FPR1: variants seen among roughly 807,000 people sequenced by gnomAD.
FPR1 encodes N-formyl peptide receptor 1.
For missense variants in FPR1, 407 were observed against 453.0 expected, an observed-to-expected ratio of 0.90 and a Z score of 0.92; for synonymous variants, 193 against 176.7, an observed-to-expected ratio of 1.09 and a Z score of -0.73.
At chr19:51,750,105 A>G (rs1199317351) in intron 1 of FPR1, 1 of 152,072 alleles carries the variant, frequency 6.6e-6, no homozygotes, top group Non-Finnish European at 1.5e-5. Context: ...AAAGTCACCC[A>G]ACAGCCCAGG....
Position 51,746,109 on chromosome 19 carries a change from G to A in FPR1, c.886C>T (p.Leu296Phe), listed in dbSNP as rs767891260. Reference protein sequence around the residue: ...TSALAFFNSCLNPMLYVFMGQ... With the variant: ...TSALAFFNSCFNPMLYVFMGQ... Reference sequence around the variant, plus strand: ...ATGAAGACATAGAGCATGGGGTTGAGGCAGCTGTTGAAGAAGGCCAGGGCA... The same window carrying A: ...ATGAAGACATAGAGCATGGGGTTGAAGCAGCTGTTGAAGAAGGCCAGGGCA... The change falls in exon 2 of 2, where the codon CTC becomes TTC. Residue 296 changes from leucine (L) to phenylalanine (F), a missense_variant. Coordinates refer to ENST00000304748, the MANE Select transcript of FPR1 (RefSeq NM_002029.4). This position sits in a 1 kb window ranked among gnomAD's most constrained non-coding sequence, Gnocchi z 4.3. The A allele has an allele frequency of 5.6e-6, 9 of 1,614,066 alleles. No individual in the cohort carries two copies. The East Asian group carries it at 8.9e-5, about 16-fold the overall frequency.
rs933973627 is a variant in FPR1, at chr19:51,747,510, G to A, written c.-11-505C>T. ...TGGGATTACAGACGTGAGCTACCACGTGTGGCCAAGATTGCATCTTATGAC... is the reference window on the plus strand; with the variant it reads ...TGGGATTACAGACGTGAGCTACCACATGTGGCCAAGATTGCATCTTATGAC... On this transcript the variant is annotated intron_variant, in intron 1 of 1. Coordinates refer to ENST00000304748, the MANE Select transcript of FPR1 (RefSeq NM_002029.4). 1.1e-4 allele frequency among the ~76,000 whole-genome samples: 16 copies of A among 152,256 alleles called. 1 individual carries two copies. The South Asian group carries it at 1.7e-3, about 16-fold the overall frequency.
At chr19:51,748,494 T>G (rs2083761646) in intron 1 of FPR1, among the ~76,000 whole-genome samples, 1 of 152,266 alleles carries the variant, frequency 6.6e-6, no homozygotes, top group Non-Finnish European at 1.5e-5. Flanking sequence ...GCAGTCTCGT[T>G]CTGTCACCCA....
chr19:51,745,780 A>T lies in FPR1; in HGVS notation c.*162T>A. 2 of 636,522 alleles carry T rather than the reference A, an allele frequency of 3.1e-6. No homozygotes were observed. The highest frequency in any genetic ancestry group is 4.1e-5 in the South Asian group (2 of 49,084). The allele number at this position is 636,522 out of a possible 1,614,324, so 39.4% of individuals were successfully genotyped here. A position where few individuals can be genotyped will look rare whatever the true frequency, so the allele number is the denominator to read the frequency against. ...CAAAAAAGAAGTCAATAATAAACTC[A>T]TATCTGTTTATTCTCCCCAAATCAG... is the stretch of plus-strand genomic sequence containing the variant. On this transcript the variant is annotated 3_prime_UTR_variant, in exon 2 of 2. Coordinates refer to ENST00000304748, the MANE Select transcript of FPR1 (RefSeq NM_002029.4).
rs763517926 is a variant in FPR1, at chr19:51,746,528, AG to A, written c.466del (p.Leu156SerfsTer9). ...IIGPWVMALL[L>X]TLPVIIRVTT... is the part of the protein sequence containing the mutation. Reference sequence around the variant, plus strand: ...CACACGAATGATAACTGGCAATGTGAGGAGCAGAGCCATCACCCAGGGCCCA... The same window carrying A: ...CACACGAATGATAACTGGCAATGTGAGAGCAGAGCCATCACCCAGGGCCCA... On this transcript the variant is annotated frameshift_variant, in exon 2 of 2. Coordinates refer to ENST00000304748, the MANE Select transcript of FPR1 (RefSeq NM_002029.4). LOFTEE classifies it low-confidence loss of function (END_TRUNC). The surrounding 1 kb of genome is among the most constrained non-coding windows in gnomAD (Gnocchi z 4.3). The A allele has an allele frequency of 6.2e-6, 10 of 1,614,184 alleles. No homozygotes were observed. The highest frequency in any genetic ancestry group is 8.5e-7 in the Non-Finnish European group (1 of 1,180,042).
Position 51,746,283 on chromosome 19 carries a change from G to C in FPR1, c.712C>G (p.Arg238Gly). ...IHKQGLIKSSRPLRVLSFVAA... is the reference protein window; with the variant it reads ...IHKQGLIKSSGPLRVLSFVAA... ...ACAAAGGAGAGGACCCGTAAGGGACGACTGGACTTAATCAAGCCTTGCTTG... is the reference window on the plus strand; with the variant it reads ...ACAAAGGAGAGGACCCGTAAGGGACCACTGGACTTAATCAAGCCTTGCTTG... Residue 238 changes from arginine (R) to glycine (G), a missense_variant, in exon 2 of 2, where the codon CGT becomes GGT. Arg to Gly is a moderately radical substitution (Grantham distance 125, BLOSUM62 -2). Transcript: ENST00000304748. This position sits in a 1 kb window ranked among gnomAD's most constrained non-coding sequence, Gnocchi z 4.3. The C allele has an allele frequency of 6.2e-7, 1 of 1,614,142 alleles. No individual in the cohort carries two copies. The highest frequency in any genetic ancestry group is 8.5e-7 in the Non-Finnish European group (1 of 1,180,032).
intron 1 of FPR1, among the ~76,000 whole-genome samples, chr19:51,749,722 C>T (rs1336539439): frequency 6.6e-6 from 1 of 151,872 alleles, no homozygotes; most frequent in African/African-American, 2.4e-5. Context: ...AGTGCAGTGG[C>T]GTGATCTGAG....
At position 51,746,169 on chromosome 19, in the gene FPR1, A is replaced by C. The variant is rs553738020; in HGVS notation, c.826T>G (p.Tyr276Asp). Residue 276 changes from tyrosine to aspartate, a missense_variant, in exon 2 of 2, where the codon TAC (tyrosine) becomes GAC (aspartate). By Grantham distance (160) the Tyr-to-Asp change is radical. Transcript: ENST00000304748. This position sits in a 1 kb window ranked among gnomAD's most constrained non-coding sequence, Gnocchi z 4.3. Reference protein sequence around the residue: ...VRIRELLQGMYKEIGIAVDVT... With the variant: ...VRIRELLQGMDKEIGIAVDVT... ...TCCACTGCAATACCAATTTCTTTGT[A>C]CATGCCTTGCAATAACTCACGGATT... 4 of 1,614,230 alleles carry C rather than the reference A, an allele frequency of 2.5e-6. No homozygotes were observed. Among genetic ancestry groups the C allele is most frequent in the Non-Finnish European group, 3.4e-6 (4 of 1,180,034 alleles).
chr19:51,745,797 C>T lies in FPR1; in HGVS notation c.*145G>A. 2 of 691,226 alleles carry T rather than the reference C, an allele frequency of 2.9e-6. No individual in the cohort carries two copies. The highest frequency in any genetic ancestry group is 2.7e-5 in the Admixed American group (1 of 36,902). 42.8% of individuals were successfully genotyped at this position (691,226 alleles called of 1,614,324 possible). A position where few individuals can be genotyped will look rare whatever the true frequency, so the allele number is the denominator to read the frequency against. ...ATAAACTCATATCTGTTTATTCTCC[C>T]CAAATCAGGGGACACAAAGGCTTTT... On this transcript the variant is annotated 3_prime_UTR_variant, in exon 2 of 2. Coordinates refer to ENST00000304748, the MANE Select transcript of FPR1 (RefSeq NM_002029.4).
Position 51,746,936 on chromosome 19 carries a change from G to A in FPR1, c.59C>T (p.Ala20Val), listed in dbSNP as rs749077776. Reference sequence around the variant, plus strand: ...GATGATATCCAGGAAGAGATAGCCAGCAGATACAGCAGGTGTCCCTCCAGA... The same window carrying A: ...GATGATATCCAGGAAGAGATAGCCAACAGATACAGCAGGTGTCCCTCCAGA... The part of the protein sequence containing the change: ...NISGGTPAVS[A>V]GYLFLDIITY... Residue 20 changes from alanine (A) to valine (V), a missense_variant, in exon 2 of 2, where the codon GCT becomes GTT. Coordinates refer to ENST00000304748, the MANE Select transcript of FPR1 (RefSeq NM_002029.4). The surrounding 1 kb of genome is among the most constrained non-coding windows in gnomAD (Gnocchi z 4.3). 2 of 1,614,154 alleles carry A rather than the reference G, an allele frequency of 1.2e-6. No individual in the cohort carries two copies. Among genetic ancestry groups the A allele is most frequent in the Non-Finnish European group, 1.7e-6 (2 of 1,180,022 alleles).
intron 1 of FPR1, among the ~76,000 whole-genome samples, chr19:51,747,844 C>G (rs1223826578): frequency 6.6e-6 from 1 of 152,158 alleles, no homozygotes; most frequent in Non-Finnish European, 1.5e-5. Context: ...AAACATTACT[C>G]TAAACAAAAG....
intron 1 of FPR1, chr19:51,750,550 C>T (rs2083774128): frequency 6.6e-6 from 1 of 152,122 alleles, no homozygotes; most frequent in Admixed American, 6.6e-5. Flanking sequence ...ATCCAACCAC[C>T]AAAATACCCT....
Position 51,746,779 on chromosome 19 carries a change from G to C in FPR1, c.216C>G (p.Phe72Leu), listed in dbSNP as rs1023206431. Reference sequence around the variant, plus strand: ...AGAATGGCAAAGTGGAGGTGAAACAGAAGTCAGCCACGGCCAGGTTCAGGT... The same window carrying C: ...AGAATGGCAAAGTGGAGGTGAAACACAAGTCAGCCACGGCCAGGTTCAGGT... ...ISYLNLAVAD[F>L]CFTSTLPFFM... The change falls in exon 2 of 2, where the codon TTC becomes TTG. Residue 72 changes from phenylalanine to leucine, a missense_variant. Phe to Leu is a conservative substitution (Grantham distance 22). Coordinates refer to ENST00000304748, the MANE Select transcript of FPR1 (RefSeq NM_002029.4). This position sits in a 1 kb window ranked among gnomAD's most constrained non-coding sequence, Gnocchi z 4.3. The C allele has an allele frequency of 4.3e-6, 7 of 1,614,202 alleles. No homozygotes were observed. The highest frequency in any genetic ancestry group is 5.9e-6 in the Non-Finnish European group (7 of 1,180,040).
rs747450344 is a variant in FPR1, at chr19:51,746,461, A to G, written c.534T>C (p.Phe178=). 6.2e-7 allele frequency: 1 copy of G among 1,614,052 alleles called. No homozygotes were observed. Residue 178 remains phenylalanine (F), a synonymous_variant, in exon 2 of 2, where the codon TTT becomes TTC. Coordinates refer to ENST00000304748, the MANE Select transcript of FPR1 (RefSeq NM_002029.4). This position sits in a 1 kb window ranked among gnomAD's most constrained non-coding sequence, Gnocchi z 4.3. The part of the protein sequence containing the change: ...PGKTGTVACT[F]NFSPWTNDPK... ...GGTCGTTGGTCCAGGGCGAAAAGTT[A>G]AAAGTGCAGGCTACTGTCCCCGTTT...
chr19:51,746,486 T>A lies in FPR1; in HGVS notation c.509A>T (p.Lys170Ile). 1 of 1,614,186 alleles carries A rather than the reference T, an allele frequency of 6.2e-7. No homozygotes were observed. The highest frequency in any genetic ancestry group is 8.5e-7 in the Non-Finnish European group (1 of 1,180,034). ...VIIRVTTVPG[K>I]TGTVACTFNF... ...AAAAGTGCAGGCTACTGTCCCCGTTTTACCAGGTACTGTAGTCACACGAAT... is the reference window on the plus strand; with the variant it reads ...AAAAGTGCAGGCTACTGTCCCCGTTATACCAGGTACTGTAGTCACACGAAT... The change falls in exon 2 of 2, where the codon AAA becomes ATA. Residue 170 changes from lysine (K) to isoleucine (I), a missense_variant. Coordinates refer to ENST00000304748, the MANE Select transcript of FPR1 (RefSeq NM_002029.4). The surrounding 1 kb of genome is among the most constrained non-coding windows in gnomAD (Gnocchi z 4.3).
intron 1 of FPR1, chr19:51,750,596 C>A (rs2083774417): frequency 1.3e-5 from 2 of 152,132 alleles, no homozygotes; most frequent in African/African-American, 2.4e-5. Flanking sequence ...CTAAGGCAAC[C>A]AGTTCAGAAG....
downstream of FPR1, chr19:51,745,267 TGCCTCGGTCTCCTGA>T (rs1304822201): frequency 6.6e-6 from 1 of 151,920 alleles, no homozygotes; most frequent in African/African-American, 2.4e-5. Flanking sequence ...GCGATTCTCC[TGCCTCGGTCTCCTGA>T]GTAGCTGGGA....
At position 51,751,814 on chromosome 19, in the gene FPR1, C is replaced by T; in HGVS notation, c.-12G>A. 1 of 152,394 alleles carries T rather than the reference C, an allele frequency of 6.6e-6. No homozygotes were observed. The highest frequency in any genetic ancestry group is 1.5e-5 in the Non-Finnish European group (1 of 68,118). The allele number at this position is 152,394 out of a possible 1,614,324, so 9.4% of individuals were successfully genotyped here. A position where few individuals can be genotyped will look rare whatever the true frequency, so the allele number is the denominator to read the frequency against. ...CAGTCCCCCAGAATATGTTTCTTACCTGGACTGTTCACCAGCTGTGGTCTT... is the reference window on the plus strand; with the variant it reads ...CAGTCCCCCAGAATATGTTTCTTACTTGGACTGTTCACCAGCTGTGGTCTT... On this transcript the variant is annotated splice_region_variant and 5_prime_UTR_variant, in exon 1 of 2. Coordinates refer to ENST00000304748, the MANE Select transcript of FPR1 (RefSeq NM_002029.4).
rs373383845 is a variant in FPR1 at position 51,746,722 on chromosome 19, C to T, written c.273G>A (p.Trp91Ter). Reference sequence around the variant, plus strand: ...ATTTGCACAGGAACCAGCCGAAAGGCCAATGTCCTCCCATGGCCTTCCTGA... The same window carrying T: ...ATTTGCACAGGAACCAGCCGAAAGGTCAATGTCCTCCCATGGCCTTCCTGA... ...FMVRKAMGGH[W>*]PFGWFLCKFV... The change falls in exon 2 of 2, where the codon TGG (tryptophan) becomes TGA (stop). Residue 91 changes from tryptophan to a stop codon, truncating the protein, a stop_gained. Transcript: ENST00000304748. LOFTEE classifies it low-confidence loss of function (END_TRUNC). This position sits in a 1 kb window ranked among gnomAD's most constrained non-coding sequence, Gnocchi z 4.3. 9 of 1,614,040 alleles carry T rather than the reference C, an allele frequency of 5.6e-6. No individual in the cohort carries two copies. The African/African-American group carries it at 9.3e-5, about 17-fold the overall frequency.
Sources: gnomAD v4.1 joint callset for allele counts (sites outside exome capture counted in the v4.1 genomes callset) on GRCh38, gnomAD v4.1.1 for gene constraint, Gnocchi (gnomAD v3.1) non-coding constraint, MANE v1.5 for transcripts, NCBI Gene and HGNC (gene_info 2026-07-23, HGNC 2026-07-21) for gene names.